The following NAV3 variants were observed in gnomAD, a reference collection of about 807,000 sequenced individuals.
NAV3 encodes the protein neuron navigator 3.
In NAV3, 87 loss-of-function variants were observed where a neutral mutation model predicts 244.7. That is an observed-to-expected ratio of 0.36 (90% confidence interval 0.30 to 0.42). The LOEUF (loss-of-function observed/expected upper bound fraction) is 0.42. NAV3 is among the 20% of genes least tolerant of loss of function. The probability of loss-of-function intolerance (pLI) is 1.00; values close to 1 mark genes in which losing one functional copy is unlikely to be tolerated. For missense variants in NAV3, 2,663 were observed against 2,893.3 expected, an observed-to-expected ratio of 0.92 and a Z score of 1.83; for synonymous variants, 1,126 against 1,042.2, an observed-to-expected ratio of 1.08 and a Z score of -1.55.
intron 2 of NAV3, among the ~76,000 whole-genome samples, chr12:77,719,748 T>G (rs1876527014): frequency 6.6e-6 from 1 of 152,136 alleles, no homozygotes; most frequent in Admixed American, 6.6e-5. Flanking sequence ...TAATGACCTG[T>G]AGTATTCTTT....
intron 3 of NAV3, among the ~76,000 whole-genome samples, chr12:77,947,110 T>A (rs1367429178): frequency 2.0e-5 from 3 of 152,118 alleles, no homozygotes; most frequent in Non-Finnish European, 4.4e-5. Flanking sequence ...GATATGAATA[T>A]TTTTGGCTTC....
At chr12:77,589,951 C>A (rs1190011644) in intron 2 of NAV3, among the ~76,000 whole-genome samples, 1 of 152,326 alleles carries the variant, frequency 6.6e-6, no homozygotes, top group Non-Finnish European at 1.5e-5. Context: ...CAGTAACAGT[C>A]TTTTCCCATA....
Position 78,190,616 on chromosome 12 carries a change from A to G in NAV3, c.6291+397A>G, listed in dbSNP as rs532530248. 3.9e-5 allele frequency among the ~76,000 whole-genome samples: 6 copies of G among 152,188 alleles called. No homozygotes were observed. In the East Asian group the frequency reaches 1.2e-3, roughly 30 times the overall value. On this transcript the variant is annotated intron_variant, in intron 34 of 39. Transcript: ENST00000397909. ...AATAGTTTGTTGGATCTTAATAGATAAGTAGGAAATAACATGGGTTTTGCA... is the reference window on the plus strand; with the variant it reads ...AATAGTTTGTTGGATCTTAATAGATGAGTAGGAAATAACATGGGTTTTGCA...
At chr12:78,206,343 G>A (rs958272931) in intron 39 of NAV3, among the ~76,000 whole-genome samples, 1 of 152,130 alleles carries the variant, frequency 6.6e-6, no homozygotes, top group Non-Finnish European at 1.5e-5. Context: ...ATAATTGTGA[G>A]CATATACTAA....
chr12:77,678,021 TAGC>T lies in NAV3; in HGVS notation c.72+105758_72+105760del, dbSNP rs370747380. Among the ~76,000 whole-genome samples, 18 of 152,304 alleles carry T rather than the reference TAGC, an allele frequency of 1.2e-4. No individual in the cohort carries two copies. The East Asian group carries it at 2.1e-3, about 18-fold the overall frequency. On this transcript the variant is annotated intron_variant, in intron 2 of 8. Transcript: ENST00000550042. ...ATAGTATGATTTTCTAAAGGACAGATAGCAGGCTCTGATGTTACGCCTTGTTAG... is the reference window on the plus strand; with the variant it reads ...ATAGTATGATTTTCTAAAGGACAGATAGGCTCTGATGTTACGCCTTGTTAG...
intron 1 of NAV3, among the ~76,000 whole-genome samples, chr12:77,929,495 C>T (rs1412879535): frequency 6.6e-6 from 1 of 152,144 alleles, no homozygotes; most frequent in African/African-American, 2.4e-5. Flanking sequence ...CACCTTGAGT[C>T]AAATCTGTTT....
intron 1 of NAV3, among the ~76,000 whole-genome samples, chr12:77,833,710 G>A (rs777347488): frequency 3.3e-5 from 5 of 152,176 alleles, no homozygotes; most frequent in Non-Finnish European, 1.5e-5. Flanking sequence ...CCTTGGTTCC[G>A]GAAAAATCGA....
intron 11 of NAV3, among the ~76,000 whole-genome samples, chr12:78,053,310 C>A (rs1159930233): frequency 6.6e-6 from 1 of 151,704 alleles, no homozygotes; most frequent in South Asian, 2.1e-4. Flanking sequence ...TATCATTATT[C>A]ATGGTACTTC....
intron 5 of NAV3, among the ~76,000 whole-genome samples, chr12:77,976,674 CTT>C (rs869041498): frequency 2.0e-4 from 17 of 83,442 alleles, no homozygotes; most frequent in African/African-American, 6.7e-4. Flanking sequence ...TTCTTTTTTT[CTT>C]TTTTTTTTTT....
At chr12:77,653,312 T>G (rs1041424935) in intron 2 of NAV3, among the ~76,000 whole-genome samples, 5 of 152,212 alleles carry the variant, frequency 3.3e-5, no homozygotes, top group Non-Finnish European at 5.9e-5. Context: ...AATTGAGTAT[T>G]TGTTGACTGA....
At chr12:77,727,186 G>A (rs1450029470) in intron 2 of NAV3, among the ~76,000 whole-genome samples, 5 of 151,864 alleles carry the variant, frequency 3.3e-5, no homozygotes, top group Non-Finnish European at 5.9e-5. Flanking sequence ...GGTGTAGGCT[G>A]AGAGAAAGCT....
chr12:78,177,190 C>T lies in NAV3; in HGVS notation c.5174C>T (p.Pro1725Leu). ...QAFGKKKSTK[P>L]PSSHSDIEEL... Reference sequence around the variant, plus strand: ...TTTGGGAAGAAAAAGTCCACCAAGCCTCCTTCATCACATTCTGACATTGAA... The same window carrying T: ...TTTGGGAAGAAAAAGTCCACCAAGCTTCCTTCATCACATTCTGACATTGAA... The change falls in exon 27 of 40, where the codon CCT (proline) becomes CTT (leucine). Residue 1725 changes from proline (P) to leucine (L), a missense_variant. This residue lies in a region of NAV3 where 193 missense variants were observed against 200.7 expected (regional missense o/e 0.96). Transcript: ENST00000397909. 1 of 1,613,470 alleles carries T rather than the reference C, an allele frequency of 6.2e-7. No individual in the cohort carries two copies. Among genetic ancestry groups the T allele is most frequent in the Admixed American group, 1.7e-5 (1 of 59,970 alleles).
At position 77,581,266 on chromosome 12, in the gene NAV3, A is replaced by G. The variant is rs148006134; in HGVS notation, c.72+9000A>G. On this transcript the variant is annotated intron_variant, in intron 2 of 8. Transcript: ENST00000550042. ...ATTTTATATATTCAATCATTTGTAC[A>G]TTCCATAGAATACTTTTATTGTGCT... Among the ~76,000 whole-genome samples, 15 of 152,296 alleles carry G rather than the reference A, an allele frequency of 9.8e-5. No individual in the cohort carries two copies. The East Asian group carries it at 2.1e-3, about 22-fold the overall frequency.
At chr12:78,168,545 AAAACAAAC>A (rs770574052) in intron 23 of NAV3, among the ~76,000 whole-genome samples, 1 of 151,780 alleles carries the variant, frequency 6.6e-6, no homozygotes, top group Non-Finnish European at 1.5e-5. Flanking sequence ...GACAATAAGA[AAAACAAAC>A]AAACAAACAA....
chr12:78,149,533 A>G (rs1270570716), intron 22 of NAV3, among the ~76,000 whole-genome samples: 2 of 152,100 alleles, frequency 1.3e-5, no homozygotes, highest in Admixed American at 1.3e-4. Context: ...AATATCTTCC[A>G]CTGTGTCAGG....
At chr12:77,710,553 C>A (rs1019291350) in intron 2 of NAV3, among the ~76,000 whole-genome samples, 1 of 152,122 alleles carries the variant, frequency 6.6e-6, no homozygotes, top group Non-Finnish European at 1.5e-5. Flanking sequence ...TATGCACGTT[C>A]TCCCCAAAGA....
At chr12:78,146,314 G>C in intron 20 of NAV3, 55 bp from the exon 21 acceptor site, 1 of 720,334 alleles carries the variant, frequency 1.4e-6, no homozygotes, top group Non-Finnish European at 2.1e-6. Flanking sequence ...TATACTTGTG[G>C]AATTAATTGA....
At position 77,689,667 on chromosome 12, in the gene NAV3, T is replaced by C. The variant is rs143473610; in HGVS notation, c.72+117401T>C. Reference sequence around the variant, plus strand: ...CAGATGTAGTGAAAAGAAAAAATTATAAGGAACCTAAACTGAGGTAAAGGT... The same window carrying C: ...CAGATGTAGTGAAAAGAAAAAATTACAAGGAACCTAAACTGAGGTAAAGGT... On this transcript the variant is annotated intron_variant, in intron 2 of 8. Coordinates refer to the NAV3 transcript ENST00000550042. Among the ~76,000 whole-genome samples, 10 of 151,974 alleles carry C rather than the reference T, an allele frequency of 6.6e-5. No individual in the cohort carries two copies. The East Asian group carries it at 1.9e-3, about 29-fold the overall frequency.
At chr12:78,094,181 A>C (rs1338950878) in intron 12 of NAV3, among the ~76,000 whole-genome samples, 1 of 152,198 alleles carries the variant, frequency 6.6e-6, no homozygotes, top group Non-Finnish European at 1.5e-5. Flanking sequence ...ATCAATTTTG[A>C]ATACAATCCA....
Sources: gnomAD v4.1 joint callset for allele counts (sites outside exome capture counted in the v4.1 genomes callset) on GRCh38, gnomAD v4.1.1 for gene constraint, gnomAD v4.1.1 regional missense constraint, MANE v1.5 for transcripts, NCBI Gene and HGNC (gene_info 2026-07-23, HGNC 2026-07-21) for gene names.